The following MARCHF8 variants were observed in gnomAD, a reference collection of about 807,000 sequenced individuals.
The protein encoded by MARCHF8 is membrane associated ring-CH-type finger 8.
MARCHF8 carries 40 observed loss-of-function variants against 51.6 expected under a neutral mutation model. That is an observed-to-expected ratio of 0.77 (90% CI 0.60 to 1.01). The LOEUF is 1.01. Ranked by LOEUF, MARCHF8 falls within the 50% of genes least tolerant of loss-of-function variation. The probability of loss-of-function intolerance (pLI) is 0.00; values close to 1 mark genes in which losing one functional copy is unlikely to be tolerated. For synonymous variants in MARCHF8, 263 were observed against 280.3 expected, an observed-to-expected ratio of 0.94 and a Z score of 0.62; for missense variants, 685 against 708.6, an observed-to-expected ratio of 0.97 and a Z score of 0.38.
intron 1 of MARCHF8, among the ~76,000 whole-genome samples, chr10:45,588,854 C>A (rs1023529557): frequency 3.3e-5 from 5 of 151,442 alleles, no homozygotes; most frequent in Non-Finnish European, 7.4e-5. Context: ...AAAAATTAGC[C>A]TGGCATGGTG....
chr10:45,524,396 G>C (rs2043757593), intron 2 of MARCHF8, among the ~76,000 whole-genome samples: 1 of 152,178 alleles, frequency 6.6e-6, no homozygotes, highest in Non-Finnish European at 1.5e-5. Flanking sequence ...AAGCAGAAGT[G>C]AAAGACTCCA....
chr10:45,508,800 T>C lies in MARCHF8; in HGVS notation c.103-19383A>G, dbSNP rs184906587. On this transcript the variant is annotated intron_variant, in intron 2 of 7. Coordinates refer to ENST00000453424, the MANE Select transcript of MARCHF8 (RefSeq NM_001282866.2). ...GATATAATATTACATCCTTTAACTA[T>C]AGAGTTCATTATTACATTTTAAATT... Among the ~76,000 whole-genome samples the C allele has an allele frequency of 1.5e-3, 225 of 152,348 alleles. 1 individual carries two copies. The highest frequency in any genetic ancestry group is 4.0e-3 in the African/African-American group (168 of 41,582).
At chr10:45,563,369 A>G (rs535473646) in intron 1 of MARCHF8, among the ~76,000 whole-genome samples, 1 of 152,270 alleles carries the variant, frequency 6.6e-6, no homozygotes, top group Admixed American at 6.5e-5. Context: ...CAACAGCATG[A>G]TATGAGTATA....
At chr10:45,543,215 A>G (rs1018674316) in intron 1 of MARCHF8, among the ~76,000 whole-genome samples, 2 of 152,120 alleles carry the variant, frequency 1.3e-5, no homozygotes, top group East Asian at 1.9e-4. Flanking sequence ...CTCCTGCTCC[A>G]TCTCCACCTC....
chr10:45,467,412 C>A (rs560968614), intron 3 of MARCHF8, among the ~76,000 whole-genome samples: 1 of 152,166 alleles, frequency 6.6e-6, no homozygotes, highest in African/African-American at 2.4e-5. Flanking sequence ...CCTTCTGTCA[C>A]GATCTAAAGG....
rs577239388 is a variant in MARCHF8 at position 45,512,194 on chromosome 10, C to A, written c.102+20916G>T. 1.7e-3 allele frequency among the ~76,000 whole-genome samples: 256 copies of A among 151,034 alleles called. 2 individuals carry two copies. The highest frequency in any genetic ancestry group is 5.2e-3 in the African/African-American group (212 of 41,104). On this transcript the variant is annotated intron_variant, in intron 2 of 7. Coordinates refer to ENST00000453424, the MANE Select transcript of MARCHF8 (RefSeq NM_001282866.2). ...CGCCCCATCTGAGAAGTGAGGAGAC[C>A]CTCCGCCTGGCAACCGCCCCGTCTG...
intron 1 of MARCHF8, among the ~76,000 whole-genome samples, chr10:45,559,446 C>G (rs1258563282): frequency 1.3e-5 from 2 of 152,342 alleles, no homozygotes; most frequent in Middle Eastern, 3.4e-3. Context: ...ACTGCAACCT[C>G]TGCCTCCCAG....
chr10:45,561,980 A>C lies in MARCHF8; in HGVS notation c.-78-28691T>G, dbSNP rs534238332. Among the ~76,000 whole-genome samples the C allele has an allele frequency of 1.4e-3, 213 of 152,208 alleles. 1 individual carries two copies. Among genetic ancestry groups the C allele is most frequent in the Non-Finnish European group, 2.5e-3 (167 of 68,032 alleles). ...AAAACAGCCAGTTTCAAACAATAAA[A>C]CATTGCTTTCACAAATTAAAAATCT... On this transcript the variant is annotated intron_variant, in intron 1 of 6. Transcript: ENST00000319836.
At chr10:45,587,899 T>C (rs1463361150) in intron 1 of MARCHF8, among the ~76,000 whole-genome samples, 1 of 152,084 alleles carries the variant, frequency 6.6e-6, no homozygotes. Context: ...AAATGTATAT[T>C]AGACCAGCTA....
At chr10:45,505,959 G>A (rs533652615) in intron 2 of MARCHF8, among the ~76,000 whole-genome samples, 65 of 152,204 alleles carry the variant, frequency 4.3e-4, no homozygotes, top group Non-Finnish European at 7.5e-4. Context: ...AACTCTTTCC[G>A]CATCTGCGTG....
intron 3 of MARCHF8, among the ~76,000 whole-genome samples, chr10:45,488,850 CTT>C (rs1190640140): frequency 2.0e-5 from 3 of 152,156 alleles, no homozygotes; most frequent in Admixed American, 6.5e-5. Context: ...TCTTTTGTCT[CTT>C]GTCTTTTATT....
chr10:45,523,169 C>T (rs1477380725), intron 2 of MARCHF8, among the ~76,000 whole-genome samples: 1 of 152,088 alleles, frequency 6.6e-6, no homozygotes, highest in Admixed American at 6.5e-5. Context: ...ATATCAAAAG[C>T]CATTAACAAC....
intron 1 of MARCHF8, among the ~76,000 whole-genome samples, chr10:45,584,224 A>G (rs1386793695): frequency 1.4e-5 from 2 of 147,954 alleles, no homozygotes; most frequent in African/African-American, 5.0e-5. Context: ...ATTTTCATCA[A>G]TGAAAGAATG....
intron 1 of MARCHF8, among the ~76,000 whole-genome samples, chr10:45,541,653 A>G (rs1210028901): frequency 1.3e-5 from 2 of 152,226 alleles, no homozygotes; most frequent in Admixed American, 6.5e-5. Context: ...AGAAAATGTA[A>G]TAATTTGGCT....
intron 2 of MARCHF8, among the ~76,000 whole-genome samples, chr10:45,518,531 G>C (rs958901337): frequency 3.9e-5 from 6 of 152,162 alleles, no homozygotes; most frequent in Admixed American, 1.3e-4. Flanking sequence ...ACTCTGATCT[G>C]AAGAACTTTT....
intron 2 of MARCHF8, among the ~76,000 whole-genome samples, chr10:45,510,682 C>T (rs1358349027): frequency 6.6e-6 from 1 of 152,142 alleles, no homozygotes; most frequent in African/African-American, 2.4e-5. Flanking sequence ...GTTTCCACCA[C>T]TGCTTTCTTT....
upstream of MARCHF8, among the ~76,000 whole-genome samples, chr10:45,536,239 A>G (rs1344392825): frequency 6.6e-6 from 1 of 152,192 alleles, no homozygotes; most frequent in Non-Finnish European, 1.5e-5. Flanking sequence ...GGGCCCAGAA[A>G]TAAACCCACG....
At chr10:45,505,450 T>G (rs994049107) in intron 2 of MARCHF8, among the ~76,000 whole-genome samples, 2 of 152,260 alleles carry the variant, frequency 1.3e-5, no homozygotes, top group Admixed American at 1.3e-4. Context: ...GCTATCCATT[T>G]ATTTGTTTTT....
chr10:45,480,587 AG>A (rs570951222), intron 3 of MARCHF8, among the ~76,000 whole-genome samples: 152 of 152,350 alleles, frequency 1.0e-3, no homozygotes, highest in African/African-American at 3.3e-3. Flanking sequence ...ACAAGCAGCC[AG>A]GGTATAGTTC....
Sources: allele counts gnomAD v4.1 joint callset (sites outside exome capture counted in the v4.1 genomes callset), GRCh38; gene constraint gnomAD v4.1.1; transcripts MANE v1.5; gene names NCBI Gene and HGNC (gene_info 2026-07-23, HGNC 2026-07-21).